The following CTNND2 variants were observed in gnomAD, a reference collection of about 807,000 sequenced individuals.
The protein encoded by CTNND2 is catenin delta-2.
Under a neutral mutation model 144.4 loss-of-function variants are expected in CTNND2, and 22 were observed. That is an observed-to-expected ratio of 0.15 (90% CI 0.11 to 0.22). The LOEUF (loss-of-function observed/expected upper bound fraction) is 0.22, where lower values mean the gene tolerates loss of function less well. Among genes scored for constraint, CTNND2 ranks in the 10% least tolerant of loss-of-function variants. The pLI is 1.00. For synonymous variants in CTNND2, 751 were observed against 695.6 expected, an observed-to-expected ratio of 1.08 and a Z score of -1.25; for missense variants, 1,353 against 1,618.8, an observed-to-expected ratio of 0.84 and a Z score of 2.82.
chr5:11,010,733 C>T (rs1258518275), intron 18 of CTNND2, among the ~76,000 whole-genome samples: 2 of 152,128 alleles, frequency 1.3e-5, no homozygotes, highest in Non-Finnish European at 2.9e-5. Flanking sequence ...GTGCAATGGC[C>T]GCAAGAGCCA....
chr5:11,346,298 C>T (rs904145825), intron 9 of CTNND2, 74 bp downstream of exon 9: 19 of 1,284,016 alleles, frequency 1.5e-5, no homozygotes, highest in Admixed American at 3.0e-5. Flanking sequence ...TGCAACATGA[C>T]GTGAAATAAA....
At chr5:11,746,511 G>A (rs769986542) in intron 1 of CTNND2, among the ~76,000 whole-genome samples, 1 of 151,970 alleles carries the variant, frequency 6.6e-6, no homozygotes, top group East Asian at 1.9e-4. Flanking sequence ...TTTTGAAATC[G>A]GGATGGTTCT....
intron 11 of CTNND2, among the ~76,000 whole-genome samples, chr5:11,164,807 A>C (rs1419901791): frequency 6.6e-6 from 1 of 152,142 alleles, no homozygotes; most frequent in Non-Finnish European, 1.5e-5. Context: ...CTCCTATTTA[A>C]TTTCAGCAGA....
chr5:11,025,581 G>A (rs568210827), intron 16 of CTNND2, among the ~76,000 whole-genome samples: 1 of 152,188 alleles, frequency 6.6e-6, no homozygotes, highest in African/African-American at 2.4e-5. Flanking sequence ...TATGTCAAGG[G>A]GGCAACAAGA....
intron 3 of CTNND2, 130 bp downstream of exon 3, chr5:11,564,814 A>T (rs1776946203): frequency 1.6e-6 from 1 of 621,632 alleles, no homozygotes; most frequent in Admixed American, 2.7e-5. Flanking sequence ...AAATCAGGTC[A>T]GTTACAATTT....
At chr5:11,579,006 C>T (rs888347501) in intron 2 of CTNND2, among the ~76,000 whole-genome samples, 10 of 152,182 alleles carry the variant, frequency 6.6e-5, no homozygotes, top group Non-Finnish European at 8.8e-5. Flanking sequence ...TCATTTCTTA[C>T]AATACTGCGC....
At chr5:11,507,031 T>C (rs1238738130) in intron 3 of CTNND2, among the ~76,000 whole-genome samples, 2 of 152,212 alleles carry the variant, frequency 1.3e-5, no homozygotes, top group Admixed American at 6.5e-5. Context: ...TTAAATCTTA[T>C]ATCTGATCCT....
rs192595017 is a variant in CTNND2, at chr5:11,681,218, C to A, written c.174+50918G>T. 2.1e-4 allele frequency among the ~76,000 whole-genome samples: 32 copies of A among 152,056 alleles called. 1 individual carries two copies. Among genetic ancestry groups the A allele is most frequent in the African/African-American group, 7.2e-4 (30 of 41,482 alleles). ...ACCAAAGGAGAATAACATTTTGTAC[C>A]CAAGAAAAATGTATTTCAAGAAGGA... On this transcript the variant is annotated intron_variant, in intron 2 of 21. Transcript: ENST00000304623.
chr5:11,158,536 G>T (rs1453016194), intron 12 of CTNND2, among the ~76,000 whole-genome samples: 1 of 152,156 alleles, frequency 6.6e-6, no homozygotes, highest in African/African-American at 2.4e-5. Flanking sequence ...ATTCGTGGAG[G>T]CAGGCTCTTA....
At chr5:11,291,411 T>A (rs1748339046) in intron 9 of CTNND2, among the ~76,000 whole-genome samples, 1 of 152,162 alleles carries the variant, frequency 6.6e-6, no homozygotes, top group African/African-American at 2.4e-5. Context: ...CCAAGTTTGA[T>A]CCTGTTCCTT....
At chr5:11,240,396 A>AACACACACACCCC (rs1742180456) in intron 9 of CTNND2, among the ~76,000 whole-genome samples, 1 of 119,710 alleles carries the variant, frequency 8.4e-6, no homozygotes, top group African/African-American at 3.3e-5. Context: ...TCACACACCC[A>AACACACACACCCC]ACACACACAC....
chr5:11,294,189 A>C (rs968002110), intron 9 of CTNND2, among the ~76,000 whole-genome samples: 37 of 152,184 alleles, frequency 2.4e-4, no homozygotes, highest in Admixed American at 4.6e-4. Flanking sequence ...AAAAAAAAAA[A>C]AAAACAAAGC....
intron 1 of CTNND2, among the ~76,000 whole-genome samples, chr5:11,829,563 C>T (rs1323897976): frequency 1.3e-5 from 2 of 152,206 alleles, no homozygotes; most frequent in Non-Finnish European, 2.9e-5. Flanking sequence ...TTGAGCCTGC[C>T]AGTGCACACA....
At chr5:11,027,315 A>G (rs918575771) in intron 16 of CTNND2, 1 of 152,198 alleles carries the variant, frequency 6.6e-6, no homozygotes, top group Non-Finnish European at 1.5e-5. Context: ...TTGTTTTTTT[A>G]AAAAGAAAAG....
chr5:11,501,176 A>G (rs916952191), intron 3 of CTNND2, among the ~76,000 whole-genome samples: 2 of 152,236 alleles, frequency 1.3e-5, no homozygotes, highest in South Asian at 4.1e-4. Context: ...AAACACAGCT[A>G]ATGCTAGAAA....
At chr5:11,263,277 A>G (rs1745100259) in intron 9 of CTNND2, among the ~76,000 whole-genome samples, 1 of 152,196 alleles carries the variant, frequency 6.6e-6, no homozygotes, top group African/African-American at 2.4e-5. Flanking sequence ...CCCATTTCGT[A>G]TTTCAAATAT....
At chr5:11,891,667 T>G (rs1736974237) in intron 1 of CTNND2, among the ~76,000 whole-genome samples, 2 of 152,160 alleles carry the variant, frequency 1.3e-5, no homozygotes, top group African/African-American at 4.8e-5. Flanking sequence ...CATCTGCAAG[T>G]CAGGAGGAGA....
At chr5:11,500,096 TC>T (rs1213022243) in intron 3 of CTNND2, among the ~76,000 whole-genome samples, 1 of 152,194 alleles carries the variant, frequency 6.6e-6, no homozygotes, top group Non-Finnish European at 1.5e-5. Flanking sequence ...AATCTGAATT[TC>T]CCTCATCTCT....
intron 2 of CTNND2, among the ~76,000 whole-genome samples, chr5:11,710,726 C>A (rs1785975632): frequency 6.6e-6 from 1 of 152,152 alleles, no homozygotes; most frequent in Non-Finnish European, 1.5e-5. Flanking sequence ...CTAAATGCCT[C>A]AGCCTGCTGC....
Sources: gnomAD v4.1 joint callset for allele counts (sites outside exome capture counted in the v4.1 genomes callset) on GRCh38, gnomAD v4.1.1 for gene constraint, MANE v1.5 for transcripts, NCBI Gene and HGNC (gene_info 2026-07-23, HGNC 2026-07-21) for gene names.